The following FAM117B variants were observed in gnomAD, a reference collection of about 807,000 sequenced individuals.
The protein encoded by FAM117B is protein FAM117B.
A neutral mutation model predicts 52.8 loss-of-function variants in FAM117B; 22 were observed. That is an observed-to-expected ratio of 0.42 (90% CI 0.30 to 0.59). The LOEUF is 0.59. Ranked by LOEUF, FAM117B falls within the 20% of genes least tolerant of loss-of-function variation. The pLI is 0.22. For missense variants in FAM117B, 678 were observed against 802.6 expected (o/e 0.84, Z 1.88); for synonymous variants, 309 against 324.1 (o/e 0.95, Z 0.50).
chr2:202,635,132 A>T lies in FAM117B; in HGVS notation c.-56A>T, dbSNP rs1008575770. On this transcript the variant is annotated 5_prime_UTR_variant, in exon 1 of 8. Coordinates refer to ENST00000392238, the MANE Select transcript of FAM117B (RefSeq NM_173511.4). ...CCGGCCTCGAGAATCCTCCCCCTGC[A>T]GCCCAACAACAACAAAACCCCCCGT... 8.0e-7 allele frequency: 1 copy of T among 1,249,358 alleles called. No homozygotes were observed. Among genetic ancestry groups the T allele is most frequent in the African/African-American group, 1.6e-5 (1 of 64,270 alleles). The allele number at this position is 1,249,358 out of a possible 1,614,324, so 77.4% of individuals were successfully genotyped here. A position where few individuals can be genotyped will look rare whatever the true frequency, so the allele number is the denominator to read the frequency against.
intron 1 of FAM117B, among the ~76,000 whole-genome samples, chr2:202,645,754 C>T (rs908142574): frequency 6.6e-6 from 1 of 151,650 alleles, no homozygotes; most frequent in African/African-American, 2.4e-5. Context: ...TAGGCGCGCG[C>T]CACCACGCCC....
chr2:202,718,991 TC>T (rs1366199176), intron 2 of FAM117B, among the ~76,000 whole-genome samples: 1 of 152,220 alleles, frequency 6.6e-6, no homozygotes, highest in Non-Finnish European at 1.5e-5. Context: ...CAATCGTTAA[TC>T]TAGTGTCTGA....
intron 1 of FAM117B, among the ~76,000 whole-genome samples, chr2:202,666,671 T>TTC (rs1007885603): frequency 3.4e-5 from 5 of 148,358 alleles, no homozygotes; most frequent in African/African-American, 1.2e-4. Flanking sequence ...TTCATTTCTT[T>TTC]TTTTTTTTTT....
chr2:202,685,286 A>G (rs1227691291), intron 1 of FAM117B, among the ~76,000 whole-genome samples: 1 of 152,158 alleles, frequency 6.6e-6, no homozygotes, highest in Non-Finnish European at 1.5e-5. Flanking sequence ...TGCCTGGCCA[A>G]TTATCTCAAT....
At chr2:202,755,820 C>A in intron 5 of FAM117B, 139 bp downstream of exon 5, 1 of 830,612 alleles carries the variant, frequency 1.2e-6, no homozygotes, top group Non-Finnish European at 1.8e-6. Context: ...AAATCTTTGA[C>A]CTGGGTGAGT....
intron 2 of FAM117B, among the ~76,000 whole-genome samples, chr2:202,705,229 C>A (rs1323816229): frequency 1.3e-5 from 2 of 151,802 alleles, no homozygotes; most frequent in African/African-American, 2.4e-5. Context: ...TCGTTTGTAC[C>A]TGGGAGGTGG....
chr2:202,672,492 G>C (rs1382332882), intron 1 of FAM117B, among the ~76,000 whole-genome samples: 1 of 152,168 alleles, frequency 6.6e-6, no homozygotes, highest in Non-Finnish European at 1.5e-5. Context: ...GGGATTACAG[G>C]CATGAGCCAC....
intron 1 of FAM117B, among the ~76,000 whole-genome samples, chr2:202,669,432 T>C (rs1039906457): frequency 6.6e-6 from 1 of 152,104 alleles, no homozygotes; most frequent in African/African-American, 2.4e-5. Flanking sequence ...ATTACCTGAG[T>C]GCAATAAAAA....
chr2:202,642,654 A>G (rs377678249), intron 1 of FAM117B, among the ~76,000 whole-genome samples: 2 of 152,310 alleles, frequency 1.3e-5, no homozygotes, highest in East Asian at 1.9e-4. Flanking sequence ...AGATTGTGGC[A>G]AATAACATTT....
At chr2:202,726,976 CT>C (rs1691254609) in intron 4 of FAM117B, among the ~76,000 whole-genome samples, 1 of 151,992 alleles carries the variant, frequency 6.6e-6, no homozygotes, top group Admixed American at 6.6e-5. Flanking sequence ...TCATAGAAGT[CT>C]TTTGATAGAG....
chr2:202,734,621 G>C (rs1479032025), intron 4 of FAM117B, among the ~76,000 whole-genome samples: 2 of 152,184 alleles, frequency 1.3e-5, no homozygotes, highest in East Asian at 3.8e-4. Flanking sequence ...CCTGCTGCCT[G>C]CTAGAGGTGT....
intron 1 of FAM117B, among the ~76,000 whole-genome samples, chr2:202,687,431 A>G (rs1690558815): frequency 6.6e-6 from 1 of 152,112 alleles, no homozygotes; most frequent in South Asian, 2.1e-4. Context: ...TTATTTAGAG[A>G]TAGGATGTTG....
At chr2:202,762,789 A>G (rs1354396986) in intron 7 of FAM117B, among the ~76,000 whole-genome samples, 1 of 151,926 alleles carries the variant, frequency 6.6e-6, no homozygotes, top group East Asian at 1.9e-4. Context: ...CAGGAAGAAG[A>G]AGGCACAAGG....
At chr2:202,737,005 G>A (rs997917056) in intron 4 of FAM117B, among the ~76,000 whole-genome samples, 1 of 152,266 alleles carries the variant, frequency 6.6e-6, no homozygotes, top group African/African-American at 2.4e-5. Flanking sequence ...CTGCTGATGG[G>A]ACTTGTGGGA....
rs528064299 is a variant in FAM117B, at chr2:202,765,046, G to T, written c.1452-400G>T. Among the ~76,000 whole-genome samples, 6 of 152,250 alleles carry T rather than the reference G, an allele frequency of 3.9e-5. No homozygotes were observed. In the East Asian group the frequency reaches 5.8e-4, roughly 15 times the overall value. ...AGACCTCGGAAAAATCATGGCAGTG[G>T]AATATACCATACATAAAGGCATACA... is the stretch of plus-strand genomic sequence containing the variant. On this transcript the variant is annotated intron_variant, in intron 7 of 7. Transcript: ENST00000392238.
At position 202,766,097 on chromosome 2, in the gene FAM117B, CACACA is replaced by C. The variant is rs1559119019; in HGVS notation, c.*334_*338del. 2.0e-4 allele frequency: 47 copies of C among 238,146 alleles called. No individual in the cohort carries two copies. Among genetic ancestry groups the C allele is most frequent in the Non-Finnish European group, 2.9e-4 (35 of 121,288 alleles). The allele number at this position is 238,146 out of a possible 1,614,324, so 14.8% of individuals were successfully genotyped here. On this transcript the variant is annotated 3_prime_UTR_variant, in exon 8 of 8. Coordinates refer to ENST00000392238, the MANE Select transcript of FAM117B (RefSeq NM_173511.4). ...ACACACACACACACACACACACACA[CACACA>C]CACACCCCTGATCCTTGCCAACATG... is the stretch of plus-strand genomic sequence containing the variant.
chr2:202,659,104 C>G (rs1313926201), intron 1 of FAM117B, among the ~76,000 whole-genome samples: 1 of 151,894 alleles, frequency 6.6e-6, no homozygotes, highest in African/African-American at 2.4e-5. Context: ...CTCCCGGGTT[C>G]AAGCGATTCT....
chr2:202,758,075 G>A (rs1336009881), intron 6 of FAM117B, among the ~76,000 whole-genome samples: 3 of 152,148 alleles, frequency 2.0e-5, no homozygotes, highest in Non-Finnish European at 4.4e-5. Flanking sequence ...TCCTGGTTAC[G>A]TTGTGTACTT....
intron 4 of FAM117B, among the ~76,000 whole-genome samples, chr2:202,754,939 G>C (rs1034708959): frequency 1.3e-5 from 2 of 150,630 alleles, no homozygotes; most frequent in African/African-American, 2.4e-5. Context: ...TCTGCAGGCT[G>C]TACAGGAAGC....
Sources: gnomAD v4.1 joint callset for allele counts (sites outside exome capture counted in the v4.1 genomes callset) on GRCh38, gnomAD v4.1.1 for gene constraint, MANE v1.5 for transcripts, NCBI Gene and HGNC (gene_info 2026-07-23, HGNC 2026-07-21) for gene names.